The following DDC variants were observed in gnomAD, a reference collection of about 807,000 sequenced individuals.
The protein encoded by DDC is aromatic-L-amino-acid decarboxylase.
Under a neutral mutation model 60.0 loss-of-function variants are expected in DDC, and 43 were observed. The observed-to-expected ratio is 0.72, with a 90% confidence interval of 0.56 to 0.92. DDC has a LOEUF of 0.92. DDC is among the 40% of genes least tolerant of loss of function. The probability of loss-of-function intolerance (pLI) is 0.00; values close to 1 mark genes in which losing one functional copy is unlikely to be tolerated. For synonymous variants in DDC, 232 were observed against 234.6 expected, an observed-to-expected ratio of 0.99 and a Z score of 0.10; for missense variants, 573 against 620.2, an observed-to-expected ratio of 0.92 and a Z score of 0.81.
chr7:50,489,776 A>G (rs1394303835), intron 9 of DDC, among the ~76,000 whole-genome samples: 1 of 152,250 alleles, frequency 6.6e-6, no homozygotes, highest in African/African-American at 2.4e-5. Context: ...AGGTACACTG[A>G]TGCAAGACCA....
intron 6 of DDC, among the ~76,000 whole-genome samples, chr7:50,522,312 G>A (rs192317703): frequency 6.6e-6 from 1 of 152,094 alleles, no homozygotes; most frequent in African/African-American, 2.4e-5. Context: ...ACATGGATAG[G>A]AAGTCTCAAT....
In DDC at chr7:50,552,829, A is replaced by G. The variant is rs74879448; in HGVS notation, c.-28-8716T>C. Among the ~76,000 whole-genome samples, 507 of 152,290 alleles carry G rather than the reference A, an allele frequency of 3.3e-3. 2 individuals carry two copies. Among genetic ancestry groups the G allele is most frequent in the African/African-American group, 0.012 (490 of 41,556 alleles). On this transcript the variant is annotated intron_variant, in intron 1 of 14. Coordinates refer to ENST00000444124, the MANE Select transcript of DDC (RefSeq NM_001082971.2). ...ACTCTCTACCTTTGAGACAATTCAAATCACCAGCCCCTCACATATTTGCCA... is the reference window on the plus strand; with the variant it reads ...ACTCTCTACCTTTGAGACAATTCAAGTCACCAGCCCCTCACATATTTGCCA...
chr7:50,528,345 G>A, intron 5 of DDC, 65 bp from the exon 6 acceptor site: 3 of 1,603,514 alleles, frequency 1.9e-6, no homozygotes, highest in Non-Finnish European at 2.6e-6. Flanking sequence ...CCAGGCCCTG[G>A]ATCGGCAGAG....
At chr7:50,564,929 C>T (rs145496708) in intron 1 of DDC, among the ~76,000 whole-genome samples, 2,079 of 152,146 alleles carry the variant, frequency 0.014, 18 homozygotes, top group Non-Finnish European at 0.021. Flanking sequence ...TCCTCATTTA[C>T]AGAAGAAACA....
Position 50,495,504 on chromosome 7 carries a change from T to C in DDC, c.877-87A>G, listed in dbSNP as rs2043108489. On this transcript the variant is annotated intron_variant, in intron 8 of 14. Transcript: ENST00000444124. ...AAGACCCCATACATGATAATAAAAG[T>C]TTATGGCACAACTAATCCACAGTGG... is the stretch of plus-strand genomic sequence containing the variant. 13 of 1,105,982 alleles carry C rather than the reference T, an allele frequency of 1.2e-5. 1 individual carries two copies. The South Asian group carries it at 1.7e-4, about 15-fold the overall frequency. The allele number at this position is 1,105,982 out of a possible 1,614,324, so 68.5% of individuals were successfully genotyped here.
In DDC at chr7:50,560,685, T is replaced by C. The variant is rs1243806894; in HGVS notation, c.-29+4600A>G. On this transcript the variant is annotated intron_variant, in intron 1 of 14. Transcript: ENST00000444124. ...GTCTGGAAAATAATTTCCACTCACTTAGTTATGTTGCTGTCATGGCTCTAG... is the reference window on the plus strand; with the variant it reads ...GTCTGGAAAATAATTTCCACTCACTCAGTTATGTTGCTGTCATGGCTCTAG... Among the ~76,000 whole-genome samples, 3 of 152,306 alleles carry C rather than the reference T, an allele frequency of 2.0e-5. No individual in the cohort carries two copies. In the East Asian group the frequency reaches 5.8e-4, roughly 29 times the overall value.
At chr7:50,553,484 C>CTTTTTTTTTTTTTTTTTTTTTTTTTT (rs5884158) in intron 1 of DDC, among the ~76,000 whole-genome samples, 7 of 90,934 alleles carry the variant, frequency 7.7e-5, no homozygotes, top group South Asian at 4.1e-4. Context: ...TCTTTCTTTT[C>CTTTTTTTTTTTTTTTTTTTTTTTTTT]TTTTTTTTTT....
At chr7:50,508,499 C>T (rs546063651) in intron 6 of DDC, among the ~76,000 whole-genome samples, 4 of 152,158 alleles carry the variant, frequency 2.6e-5, no homozygotes, top group Non-Finnish European at 5.9e-5. Context: ...CTCTGTGGCC[C>T]GACCTTATCA....
At chr7:50,514,446 A>C (rs1330659876) in intron 6 of DDC, among the ~76,000 whole-genome samples, 1 of 152,108 alleles carries the variant, frequency 6.6e-6, no homozygotes, top group Non-Finnish European at 1.5e-5. Context: ...AAAAAATCAC[A>C]CTAGTTCACC....
At chr7:50,565,048 C>T (rs1347453143) in intron 1 of DDC, among the ~76,000 whole-genome samples, 1 of 152,184 alleles carries the variant, frequency 6.6e-6, no homozygotes, top group Middle Eastern at 3.2e-3. Context: ...TCATTCCCAG[C>T]ACCTATCAAA....
rs910762773 is a variant in DDC, at chr7:50,495,460, T to C, written c.877-43A>G. The C allele has an allele frequency of 2.1e-6, 3 of 1,448,194 alleles. No individual in the cohort carries two copies. In the African/African-American group the frequency reaches 4.2e-5, roughly 20 times the overall value. The allele number at this position is 1,448,194 out of a possible 1,614,324, so 89.7% of individuals were successfully genotyped here. A position where few individuals can be genotyped will look rare whatever the true frequency, so the allele number is the denominator to read the frequency against. ...TAAGAAAAAGAAAACATTTTCTTTA[T>C]AAATGTTTAATTATAAAGAAGACCC... On this transcript the variant is annotated intron_variant, in intron 8 of 14. Coordinates refer to ENST00000444124, the MANE Select transcript of DDC (RefSeq NM_001082971.2).
At chr7:50,462,725 T>A (rs1235441623) in intron 14 of DDC, among the ~76,000 whole-genome samples, 3 of 151,884 alleles carry the variant, frequency 2.0e-5, no homozygotes, top group African/African-American at 7.2e-5. Flanking sequence ...AATGTATCAT[T>A]CCTTCTACTT....
At chr7:50,493,119 T>C in intron 9 of DDC, 2 of 847,758 alleles carry the variant, frequency 2.4e-6, no homozygotes, top group Non-Finnish European at 3.8e-6. Context: ...TTTCCTCATC[T>C]GTAAAGAGAG....
chr7:50,539,620 G>C (rs1047727141), intron 3 of DDC, among the ~76,000 whole-genome samples: 2 of 152,162 alleles, frequency 1.3e-5, no homozygotes, highest in African/African-American at 4.8e-5. Flanking sequence ...AGATTCCCAG[G>C]TTCGAGCTGC....
intron 4 of DDC, among the ~76,000 whole-genome samples, chr7:50,530,125 G>A (rs557970982): frequency 2.2e-4 from 33 of 152,176 alleles, no homozygotes; most frequent in Admixed American, 5.9e-4. Context: ...GCATGGTGGC[G>A]TGCCTGGTAG....
chr7:50,467,201 G>C lies in DDC; in HGVS notation c.1242+13C>G. On this transcript the variant is annotated intron_variant, in intron 13 of 14. Coordinates refer to ENST00000444124, the MANE Select transcript of DDC (RefSeq NM_001082971.2). ...TTCACAGAAAATGAAGAATGGAATA[G>C]ATGTAGACAAACCTTTAGCCGAAAG... 6.2e-7 allele frequency: 1 copy of C among 1,601,434 alleles called. No homozygotes were observed. Among genetic ancestry groups the C allele is most frequent in the Non-Finnish European group, 8.6e-7 (1 of 1,168,622 alleles).
In DDC at chr7:50,500,495, T is replaced by C. The variant is rs2043227788; in HGVS notation, c.782-1253A>G. 3.3e-5 allele frequency among the ~76,000 whole-genome samples: 5 copies of C among 152,212 alleles called. No individual in the cohort carries two copies. In the South Asian group the frequency reaches 1.0e-3, roughly 32 times the overall value. On this transcript the variant is annotated intron_variant, in intron 7 of 14. Transcript: ENST00000444124. The stretch of plus-strand genomic sequence containing the variant: ...GTTTTTCTCAACCTTACCGCTGATC[T>C]GAGCTACAGGCATGGACATCCCATG...
At chr7:50,559,906 G>A (rs1205284912) in intron 1 of DDC, among the ~76,000 whole-genome samples, 1 of 152,208 alleles carries the variant, frequency 6.6e-6, no homozygotes, top group African/African-American at 2.4e-5. Flanking sequence ...TTTGTGGCAA[G>A]GGGAGTTAAG....
At chr7:50,522,836 G>A (rs1343404780) in intron 6 of DDC, among the ~76,000 whole-genome samples, 1 of 152,170 alleles carries the variant, frequency 6.6e-6, no homozygotes, top group Non-Finnish European at 1.5e-5. Context: ...ATGGCTGGGG[G>A]GGCCTCCGGA....
Sources: gnomAD v4.1 joint callset for allele counts (sites outside exome capture counted in the v4.1 genomes callset) on GRCh38, gnomAD v4.1.1 for gene constraint, MANE v1.5 for transcripts, NCBI Gene and HGNC (gene_info 2026-07-23, HGNC 2026-07-21) for gene names.